Variants in GAP43 observed in about 807,000 individuals in gnomAD.
GAP43 encodes the protein neuromodulin.
A neutral mutation model predicts 18.6 loss-of-function variants in GAP43; 6 were observed. The observed-to-expected ratio is 0.32, with a 90% CI of 0.18 to 0.64. The LOEUF is 0.64. Ranked by LOEUF, GAP43 falls within the 30% of genes least tolerant of loss-of-function variation. The pLI, the probability that GAP43 is intolerant of heterozygous loss-of-function variation, is 0.78. For missense variants in GAP43, 292 were observed against 295.5 expected, an observed-to-expected ratio of 0.99 and a Z score of 0.09; for synonymous variants, 115 against 111.4, an observed-to-expected ratio of 1.03 and a Z score of -0.20.
intron 1 of GAP43, among the ~76,000 whole-genome samples, chr3:115,658,211 G>A (rs992605199): frequency 6.6e-6 from 1 of 152,162 alleles, no homozygotes; most frequent in Non-Finnish European, 1.5e-5. Context: ...AACGTGACGG[G>A]CAGCAGAGGA....
chr3:115,625,856 G>A (rs1371085591), intron 1 of GAP43, among the ~76,000 whole-genome samples: 2 of 152,184 alleles, frequency 1.3e-5, no homozygotes, highest in Admixed American at 6.5e-5. Flanking sequence ...ACAGTTGCAT[G>A]TGTAAGTGGT....
chr3:115,676,972 A>G (rs1193190209), intron 2 of GAP43, among the ~76,000 whole-genome samples: 4 of 152,218 alleles, frequency 2.6e-5, no homozygotes, highest in Non-Finnish European at 5.9e-5. Flanking sequence ...CTGAGGCTAC[A>G]TATATTTTAT....
At chr3:115,682,842 C>G (rs1045869331) in intron 2 of GAP43, among the ~76,000 whole-genome samples, 1 of 152,134 alleles carries the variant, frequency 6.6e-6, no homozygotes, top group Non-Finnish European at 1.5e-5. Flanking sequence ...TTTATTAACT[C>G]TTTAGTTAAA....
chr3:115,685,889 G>A (rs963149427), intron 2 of GAP43, among the ~76,000 whole-genome samples: 1 of 152,108 alleles, frequency 6.6e-6, no homozygotes, highest in South Asian at 2.1e-4. Flanking sequence ...GGCCCCTATT[G>A]GAAGATATGT....
intron 1 of GAP43, among the ~76,000 whole-genome samples, chr3:115,654,741 G>C (rs1019020941): frequency 3.9e-5 from 6 of 152,160 alleles, no homozygotes; most frequent in African/African-American, 7.2e-5. Context: ...CCTATAAACA[G>C]CATCATGATA....
chr3:115,650,568 C>A (rs1708509363), intron 1 of GAP43, among the ~76,000 whole-genome samples: 1 of 152,006 alleles, frequency 6.6e-6, no homozygotes, highest in Non-Finnish European at 1.5e-5. Flanking sequence ...CCACTTCCAT[C>A]CTTGACTTGA....
At chr3:115,708,715 T>A (rs1448730237) in intron 2 of GAP43, among the ~76,000 whole-genome samples, 1 of 152,122 alleles carries the variant, frequency 6.6e-6, no homozygotes, top group African/African-American at 2.4e-5. Flanking sequence ...TTGAGGTGGC[T>A]CCTATTTTCT....
chr3:115,677,520 C>T (rs754114890), intron 2 of GAP43, among the ~76,000 whole-genome samples: 73 of 152,270 alleles, frequency 4.8e-4, no homozygotes, highest in South Asian at 8.3e-4. Context: ...TCCCTGGAGA[C>T]TAGATCCTTC....
At chr3:115,624,127 C>T (rs949921451) in intron 1 of GAP43, among the ~76,000 whole-genome samples, 3 of 152,050 alleles carry the variant, frequency 2.0e-5, no homozygotes, top group South Asian at 4.2e-4. Flanking sequence ...AAATAATATT[C>T]AGAACTGAGT....
intron 2 of GAP43, among the ~76,000 whole-genome samples, chr3:115,676,981 A>G (rs1318368523): frequency 6.6e-6 from 1 of 152,212 alleles, no homozygotes; most frequent in Non-Finnish European, 1.5e-5. Flanking sequence ...CATATATTTT[A>G]TGGATGGGAA....
intron 2 of GAP43, among the ~76,000 whole-genome samples, chr3:115,708,256 T>C (rs979634287): frequency 1.3e-5 from 2 of 152,192 alleles, no homozygotes; most frequent in South Asian, 4.1e-4. Context: ...CATATGAGAA[T>C]GAAGTGATGA....
chr3:115,674,986 T>C (rs1194451844), intron 1 of GAP43, among the ~76,000 whole-genome samples: 2 of 152,338 alleles, frequency 1.3e-5, no homozygotes, highest in Admixed American at 6.5e-5. Flanking sequence ...ACAAAGTCCT[T>C]CTCAAAAACC....
intron 2 of GAP43, among the ~76,000 whole-genome samples, chr3:115,686,270 T>C (rs1709031355): frequency 6.6e-6 from 1 of 152,248 alleles, no homozygotes; most frequent in African/African-American, 2.4e-5. Flanking sequence ...TGTAGAAGCA[T>C]ATAAATATAC....
intron 1 of GAP43, among the ~76,000 whole-genome samples, chr3:115,642,080 A>G (rs1200859406): frequency 2.6e-5 from 4 of 152,062 alleles, no homozygotes; most frequent in Non-Finnish European, 5.9e-5. Flanking sequence ...TTCCCATGTC[A>G]GTGCTACTCT....
chr3:115,640,982 C>T, intron 1 of GAP43, among the ~76,000 whole-genome samples: 1 of 133,736 alleles, frequency 7.5e-6, no homozygotes, highest in Admixed American at 7.9e-5. Flanking sequence ...TTCCTTCCTT[C>T]TTCTTTCTTC....
chr3:115,716,385 C>G (rs1052729853), intron 2 of GAP43, among the ~76,000 whole-genome samples: 1 of 152,094 alleles, frequency 6.6e-6, no homozygotes, highest in Non-Finnish European at 1.5e-5. Flanking sequence ...ATGCAGTCTC[C>G]TACCAAAAGT....
rs575862841 is a variant in GAP43 at position 115,705,184 on chromosome 3, A to T, written c.629-15610A>T. ...TATGACTCATAAATGCAGTGCTTTT[A>T]TTTAAAAATTTAAATGTTACCCAAG... On this transcript the variant is annotated intron_variant, in intron 2 of 2. Coordinates refer to ENST00000305124, the MANE Select transcript of GAP43 (RefSeq NM_002045.4). Among the ~76,000 whole-genome samples, 25 of 152,310 alleles carry T rather than the reference A, an allele frequency of 1.6e-4. No homozygotes were observed. The South Asian group carries it at 4.8e-3, about 29-fold the overall frequency.
At chr3:115,700,328 T>G (rs1709282044) in intron 2 of GAP43, among the ~76,000 whole-genome samples, 1 of 152,154 alleles carries the variant, frequency 6.6e-6, no homozygotes, top group South Asian at 2.1e-4. Flanking sequence ...TATTCCTCCC[T>G]CTTCCTAGAT....
chr3:115,652,392 G>C (rs71323405), intron 1 of GAP43, among the ~76,000 whole-genome samples: 1 of 45,956 alleles, frequency 2.2e-5, no homozygotes, highest in Non-Finnish European at 4.0e-5. Context: ...TTTTGTGATA[G>C]AGTCTTGCTC....
Sources: allele counts gnomAD v4.1 joint callset (sites outside exome capture counted in the v4.1 genomes callset), GRCh38; gene constraint gnomAD v4.1.1; transcripts MANE v1.5; gene names NCBI Gene and HGNC (gene_info 2026-07-23, HGNC 2026-07-21).